Variants in GNAI1 observed in about 807,000 individuals in gnomAD.
The protein encoded by GNAI1 is guanine nucleotide-binding protein G(i) subunit alpha-1.
Under a neutral mutation model 38.9 loss-of-function variants are expected in GNAI1, and 11 were observed. The observed-to-expected ratio is 0.28, with a 90% CI of 0.18 to 0.47. The LOEUF (loss-of-function observed/expected upper bound fraction) is 0.47, where lower values mean the gene tolerates loss of function less well. Ranked by LOEUF, GNAI1 falls within the 20% of genes least tolerant of loss-of-function variation. The pLI is 0.99. For missense variants in GNAI1, 317 were observed against 436.9 expected, an observed-to-expected ratio of 0.73 and a Z score of 2.45; for synonymous variants, 166 against 145.1, an observed-to-expected ratio of 1.14 and a Z score of -1.04.
chr7:80,187,233 G>GTCTT (rs1172764679), intron 1 of GNAI1: 108 of 148,312 alleles, frequency 7.3e-4, no homozygotes, highest in African/African-American at 2.4e-3. Context: ...GTGTGTGTGT[G>GTCTT]TGTGTGTCTT....
chr7:80,144,420 TAGG>T (rs1398521910), intron 1 of GNAI1, among the ~76,000 whole-genome samples: 1 of 152,192 alleles, frequency 6.6e-6, no homozygotes, highest in Non-Finnish European at 1.5e-5. Context: ...GATTTACTTT[TAGG>T]AGAAGAATGT....
intron 6 of GNAI1, 77 bp from the exon 7 acceptor site, chr7:80,212,639 A>C (rs1428654318): frequency 7.3e-6 from 6 of 824,028 alleles, no homozygotes; most frequent in East Asian, 3.0e-5. Context: ...TTTTATTACA[A>C]CACCTTTTAT....
Position 80,223,906 on chromosome 7 carries a change from C to T in GNAI1, c.*6413C>T, listed in dbSNP as rs956306097. ...TCTTCTTCTTCGAAAGGAATCTTGTCTAAATCTAATAAAGCATTTTTCTGG... is the reference window on the plus strand; with the variant it reads ...TCTTCTTCTTCGAAAGGAATCTTGTTTAAATCTAATAAAGCATTTTTCTGG... On this transcript the variant is annotated 3_prime_UTR_variant, in exon 8 of 8. Coordinates refer to ENST00000649796, the MANE Select transcript of GNAI1 (RefSeq NM_002069.6). Among the ~76,000 whole-genome samples the T allele has an allele frequency of 6.6e-6, 1 of 152,118 alleles. No individual in the cohort carries two copies. The highest frequency in any genetic ancestry group is 2.4e-5 in the African/African-American group (1 of 41,412).
rs1162121715 is a variant in GNAI1, at chr7:80,225,759, A to G, written c.*8266A>G. Among the ~76,000 whole-genome samples the G allele has an allele frequency of 2.0e-5, 3 of 152,176 alleles. No individual in the cohort carries two copies. Among genetic ancestry groups the G allele is most frequent in the Admixed American group, 2.0e-4 (3 of 15,280 alleles). On this transcript the variant is annotated 3_prime_UTR_variant, in exon 8 of 8. Coordinates refer to ENST00000649796, the MANE Select transcript of GNAI1 (RefSeq NM_002069.6). ...AATAAAATCATATCTACTAATCAAT[A>G]CATTTGAAGTTTACTAGATTCTCAA... is the stretch of plus-strand genomic sequence containing the variant.
chr7:80,174,111 G>A (rs1342156140), intron 1 of GNAI1, among the ~76,000 whole-genome samples: 2 of 152,266 alleles, frequency 1.3e-5, no homozygotes, highest in East Asian at 1.9e-4. Context: ...GAGATGGGAA[G>A]ATGGGTAGAT....
intron 1 of GNAI1, among the ~76,000 whole-genome samples, chr7:80,154,442 C>A (rs1224534254): frequency 9.9e-5 from 15 of 152,144 alleles, no homozygotes; most frequent in Non-Finnish European, 2.2e-4. Context: ...AAGCTGTAAT[C>A]TTCCCCAAGT....
intron 3 of GNAI1, among the ~76,000 whole-genome samples, chr7:80,193,579 A>G (rs1788517507): frequency 1.3e-5 from 2 of 152,166 alleles, no homozygotes. Context: ...TAGAAGCTTT[A>G]CAAAGGGGCC....
chr7:80,212,448 G>A (rs1584055619), intron 6 of GNAI1, among the ~76,000 whole-genome samples: 1 of 152,106 alleles, frequency 6.6e-6, no homozygotes, highest in African/African-American at 2.4e-5. Context: ...AGATTATAAT[G>A]TCCTGTAGCA....
chr7:80,190,339 CATTA>C (rs1003011166), intron 3 of GNAI1, among the ~76,000 whole-genome samples: 23 of 151,824 alleles, frequency 1.5e-4, no homozygotes, highest in East Asian at 3.9e-4. Context: ...AGCTTACTGT[CATTA>C]ATTAAAAATT....
rs67345654 is a variant in GNAI1 at position 80,222,382 on chromosome 7, A to ATTTTTTTT, written c.*4901_*4908dup. Among the ~76,000 whole-genome samples, 252 of 127,808 alleles carry ATTTTTTTT rather than the reference A, an allele frequency of 2.0e-3. No homozygotes were observed. Among genetic ancestry groups the ATTTTTTTT allele is most frequent in the Middle Eastern group, 4.1e-3 (1 of 242 alleles). The allele number at this position is 127,808 out of a possible 152,430, so 83.8% of individuals were successfully genotyped here. ...TGAAGGAGCTAGTTCTTCAAATTTAATTTTTTTTTTTTTTTTTTTCCTGAG... is the reference window on the plus strand; with the variant it reads ...TGAAGGAGCTAGTTCTTCAAATTTAATTTTTTTTTTTTTTTTTTTTTTTTTTTCCTGAG... On this transcript the variant is annotated 3_prime_UTR_variant, in exon 8 of 8. Coordinates refer to ENST00000649796, the MANE Select transcript of GNAI1 (RefSeq NM_002069.6).
chr7:80,146,088 A>C (rs1483714278), intron 1 of GNAI1, among the ~76,000 whole-genome samples: 1 of 152,132 alleles, frequency 6.6e-6, no homozygotes, highest in Non-Finnish European at 1.5e-5. Context: ...GCTTGGATAC[A>C]TGTTGCTGCC....
In GNAI1 at chr7:80,224,310, C is replaced by T. The variant is rs1264638295; in HGVS notation, c.*6817C>T. 6.6e-6 allele frequency among the ~76,000 whole-genome samples: 1 copy of T among 152,096 alleles called. No homozygotes were observed. Among genetic ancestry groups the T allele is most frequent in the Non-Finnish European group, 1.5e-5 (1 of 68,028 alleles). ...TTTCCATTTTCTATATAAGGAAACA[C>T]ATTTAAGAGAGGTTAGTATTTTGTG... On this transcript the variant is annotated 3_prime_UTR_variant, in exon 8 of 8. Transcript: ENST00000649796.
At chr7:80,202,910 T>C (rs187299437) in intron 4 of GNAI1, among the ~76,000 whole-genome samples, 13 of 152,304 alleles carry the variant, frequency 8.5e-5, no homozygotes, top group East Asian at 1.9e-4. Flanking sequence ...ATTCCTTTTC[T>C]TCCATCCCCA....
intron 1 of GNAI1, among the ~76,000 whole-genome samples, chr7:80,181,301 CACA>C (rs1227455707): frequency 6.6e-6 from 1 of 152,144 alleles, no homozygotes; most frequent in Non-Finnish European, 1.5e-5. Context: ...GTCCCTCCAG[CACA>C]ACATTTAACA....
intron 6 of GNAI1, 152 bp downstream of exon 6, chr7:80,211,250 C>T: frequency 1.6e-6 from 1 of 635,058 alleles, no homozygotes; most frequent in Non-Finnish European, 2.6e-6. Flanking sequence ...TAGAGAAGCA[C>T]AGGTGGATCT....
intron 5 of GNAI1, 120 bp downstream of exon 5, chr7:80,203,952 CT>C: frequency 1.7e-6 from 1 of 576,442 alleles, no homozygotes. Context: ...TGGAAAAAAA[CT>C]TTCTTCAGAT....
intron 7 of GNAI1, among the ~76,000 whole-genome samples, chr7:80,216,342 A>T (rs1450790641): frequency 2.0e-5 from 3 of 151,996 alleles, no homozygotes; most frequent in Non-Finnish European, 4.4e-5. Context: ...CACACATAAC[A>T]CAATCACAAC....
chr7:80,135,348 T>A (rs1296948423), intron 1 of GNAI1, 70 bp downstream of exon 1: 4 of 935,964 alleles, frequency 4.3e-6, no homozygotes, highest in Admixed American at 4.1e-5. Context: ...GCCCTCGGCG[T>A]TTGGAAACCC....
chr7:80,136,018 A>T, intron 1 of GNAI1: 2 of 985,528 alleles, frequency 2.0e-6, no homozygotes, highest in Non-Finnish European at 2.4e-6. Context: ...GGGTCACGCC[A>T]GACAACAGGG....
Sources: gnomAD v4.1 joint callset for allele counts (sites outside exome capture counted in the v4.1 genomes callset) on GRCh38, gnomAD v4.1.1 for gene constraint, MANE v1.5 for transcripts, NCBI Gene and HGNC (gene_info 2026-07-23, HGNC 2026-07-21) for gene names.